MROH2B: variants seen among roughly 807,000 people sequenced by gnomAD.
The protein encoded by MROH2B is maestro heat-like repeat-containing protein family member 2B.
MROH2B carries 177 observed loss-of-function variants against 208.6 expected under a neutral mutation model. The observed-to-expected ratio is 0.85, with a 90% CI of 0.75 to 0.96. The LOEUF (loss-of-function observed/expected upper bound fraction) is 0.96, where lower values mean the gene tolerates loss of function less well. Ranked by LOEUF, MROH2B falls within the 40% of genes least tolerant of loss-of-function variation. MROH2B has a pLI of 0.00. For missense variants in MROH2B, 2,002 were observed against 1,878.7 expected (o/e 1.07, Z -1.21); for synonymous variants, 728 against 659.0 (o/e 1.10, Z -1.60).
At chr5:41,043,199 G>A (rs1347152478) in intron 18 of MROH2B, among the ~76,000 whole-genome samples, 1 of 152,200 alleles carries the variant, frequency 6.6e-6, no homozygotes, top group Non-Finnish European at 1.5e-5. Context: ...GGCTTGAAAT[G>A]AGAGGGGGGC....
intron 24 of MROH2B, among the ~76,000 whole-genome samples, chr5:41,029,249 T>G (rs1742483489): frequency 6.6e-6 from 1 of 152,196 alleles, no homozygotes; most frequent in African/African-American, 2.4e-5. Flanking sequence ...TTCATTTGCC[T>G]TTTAGCCATT....
At position 41,000,059 on chromosome 5, in the gene MROH2B, CCTCTATGTCA is replaced by C. The variant is rs1164319153; in HGVS notation, c.4482+151_4482+160del. 6 of 934,758 alleles carry C rather than the reference CCTCTATGTCA, an allele frequency of 6.4e-6. No homozygotes were observed. In the African/African-American group the frequency reaches 9.9e-5, roughly 15 times the overall value. The allele number at this position is 934,758 out of a possible 1,614,324, so 57.9% of individuals were successfully genotyped here. On this transcript the variant is annotated intron_variant, in intron 39 of 41. Coordinates refer to ENST00000399564, the MANE Select transcript of MROH2B (RefSeq NM_173489.5). ...GAGCAGAGGGTCCTGTGGCAGGATA[CCTCTATGTCA>C]CTATATCCTGTGAAATCAGGATATC...
chr5:41,013,392 C>T (rs1287137212), intron 29 of MROH2B, among the ~76,000 whole-genome samples: 1 of 152,060 alleles, frequency 6.6e-6, no homozygotes, highest in Non-Finnish European at 1.5e-5. Context: ...TGTGTGTGCG[C>T]ATTAATGAAA....
intron 30 of MROH2B, among the ~76,000 whole-genome samples, chr5:41,010,558 C>G (rs1741742362): frequency 6.6e-6 from 1 of 152,092 alleles, no homozygotes; most frequent in South Asian, 2.1e-4. Context: ...AAGGTGGAGA[C>G]AGATGGTGGG....
At chr5:41,052,319 T>C in intron 12 of MROH2B, 146 bp downstream of exon 12, 2 of 693,740 alleles carry the variant, frequency 2.9e-6, no homozygotes, top group Non-Finnish European at 3.9e-6. Flanking sequence ...ATTCCAGTTA[T>C]TTTTAATTTT....
At chr5:41,018,524 CG>C in intron 26 of MROH2B, 94 bp from the exon 27 acceptor site, 1 of 1,461,870 alleles carries the variant, frequency 6.8e-7, no homozygotes, top group Non-Finnish European at 9.3e-7. Context: ...TTTTGTAACA[CG>C]GTGCTCACCT....
At chr5:40,999,117 G>A (rs761565222) in intron 40 of MROH2B, among the ~76,000 whole-genome samples, 1 of 152,226 alleles carries the variant, frequency 6.6e-6, no homozygotes, top group Non-Finnish European at 1.5e-5. Context: ...AGGCTTCAAA[G>A]TAAGACTTAG....
At chr5:41,011,073 ATC>A (rs1308376257) in intron 30 of MROH2B, among the ~76,000 whole-genome samples, 1 of 152,158 alleles carries the variant, frequency 6.6e-6, no homozygotes, top group African/African-American at 2.4e-5. Context: ...ATGAACCCAG[ATC>A]TCAGAGCACT....
rs1259596311 is a variant in MROH2B at position 40,998,195 on chromosome 5, G to A, written c.4652-37C>T. On this transcript the variant is annotated intron_variant, in intron 41 of 41. Coordinates refer to ENST00000399564, the MANE Select transcript of MROH2B (RefSeq NM_173489.5). ...AGAATAGCAAATAAGTGGAGGAGGA[G>A]AGTCAGAGCCCAGCAAGAAGGGCAA... 9 of 1,547,316 alleles carry A rather than the reference G, an allele frequency of 5.8e-6. No individual in the cohort carries two copies. In the African/African-American group the frequency reaches 9.5e-5, roughly 16 times the overall value.
At chr5:41,005,070 C>CT in intron 35 of MROH2B, 150 bp from the exon 36 acceptor site, 1 of 1,080,134 alleles carries the variant, frequency 9.3e-7, no homozygotes, top group Non-Finnish European at 1.3e-6. Flanking sequence ...GCAAGCCTTG[C>CT]TGAAGCTGAG....
chr5:41,003,369 A>G (rs187269030), intron 37 of MROH2B, among the ~76,000 whole-genome samples: 2 of 152,342 alleles, frequency 1.3e-5, no homozygotes, highest in Non-Finnish European at 2.9e-5. Flanking sequence ...CAAAAATACG[A>G]AACTGAAGAA....
At position 40,999,205 on chromosome 5, in the gene MROH2B, A is replaced by C. The variant is rs78613311; in HGVS notation, c.4585+472T>G. On this transcript the variant is annotated intron_variant, in intron 40 of 41. Coordinates refer to ENST00000399564, the MANE Select transcript of MROH2B (RefSeq NM_173489.5). ...TCAGACAGAGAGGTAACATAAAGTT[A>C]AGTCAATTTCCAGAATCACATAGCA... Among the ~76,000 whole-genome samples, 1,183 of 152,332 alleles carry C rather than the reference A, an allele frequency of 7.8e-3. 42 individuals carry two copies. In the East Asian group the frequency reaches 0.13, roughly 17 times the overall value.
At chr5:41,029,214 T>C (rs1235162835) in intron 24 of MROH2B, among the ~76,000 whole-genome samples, 1 of 152,184 alleles carries the variant, frequency 6.6e-6, no homozygotes, top group Non-Finnish European at 1.5e-5. Context: ...TGTATTTCCA[T>C]AATTATGAGT....
chr5:41,035,627 GA>G (rs970405098), intron 21 of MROH2B, among the ~76,000 whole-genome samples: 6 of 151,458 alleles, frequency 4.0e-5, no homozygotes, highest in East Asian at 1.9e-4. Flanking sequence ...AACAAGCAAA[GA>G]AAAAACAACC....
In MROH2B at chr5:41,051,025, G is replaced by C. The variant is rs764864617; in HGVS notation, c.1296C>G (p.Ser432Arg). The C allele has an allele frequency of 6.4e-7, 1 of 1,566,890 alleles. No individual in the cohort carries two copies. The change falls in exon 13 of 42, where the codon AGC (serine) becomes AGG (arginine). Residue 432 changes from serine to arginine, a missense_variant. By Grantham distance (110) the Ser-to-Arg change is moderately radical. Transcript: ENST00000399564. Reference protein sequence around the residue: ...EKEEESVRETSLEVLKTLDPL... With the variant: ...EKEEESVRETRLEVLKTLDPL... ...GGTCCAGGGTTTTTAAGACCTCAAG[G>C]CTTGTTTCTCGGACAGATTCCTCTT...
intron 27 of MROH2B, 42 bp downstream of exon 27, chr5:41,018,299 T>C: frequency 6.4e-7 from 1 of 1,562,572 alleles, no homozygotes; most frequent in Non-Finnish European, 8.7e-7. Flanking sequence ...ATCCCTGCTG[T>C]TCACAAGCAA....
At chr5:41,007,549 C>T in intron 33 of MROH2B, 95 bp from the exon 34 acceptor site, 2 of 1,160,966 alleles carry the variant, frequency 1.7e-6, no homozygotes, top group Non-Finnish European at 2.2e-6. Context: ...AATGCTTTCC[C>T]ACCCCTGGAC....
intron 24 of MROH2B, among the ~76,000 whole-genome samples, chr5:41,028,613 C>T (rs1481922318): frequency 4.6e-5 from 7 of 152,066 alleles, no homozygotes; most frequent in Non-Finnish European, 1.0e-4. Context: ...TTGTACAGGT[C>T]CACTCATGTT....
At chr5:41,032,089 A>G (rs1742590334) in intron 24 of MROH2B, among the ~76,000 whole-genome samples, 1 of 152,114 alleles carries the variant, frequency 6.6e-6, no homozygotes, top group African/African-American at 2.4e-5. Context: ...CTGGGTATAT[A>G]CCAAGGAATG....
Sources: gnomAD v4.1 joint callset for allele counts (sites outside exome capture counted in the v4.1 genomes callset) on GRCh38, gnomAD v4.1.1 for gene constraint, MANE v1.5 for transcripts, NCBI Gene and HGNC (gene_info 2026-07-23, HGNC 2026-07-21) for gene names.